CEP112: variants seen among roughly 807,000 people sequenced by gnomAD.
The protein encoded by CEP112 is centrosomal protein 112.
A neutral mutation model predicts 153.0 loss-of-function variants in CEP112; 127 were observed. That is an observed-to-expected ratio of 0.83 (90% CI 0.72 to 0.96). CEP112 has a LOEUF of 0.96. Among genes scored for constraint, CEP112 ranks in the 40% least tolerant of loss-of-function variants. CEP112 has a pLI of 0.00. For missense variants in CEP112, 1,089 were observed against 1,101.2 expected (o/e 0.99, Z 0.16); for synonymous variants, 358 against 374.4 (o/e 0.96, Z 0.51).
At chr17:65,850,932 T>C (rs536756327) in intron 21 of CEP112, among the ~76,000 whole-genome samples, 4 of 152,346 alleles carry the variant, frequency 2.6e-5, no homozygotes, top group African/African-American at 9.6e-5. Context: ...TGCTGAAATC[T>C]GACTTTCAAA....
intron 21 of CEP112, among the ~76,000 whole-genome samples, chr17:65,821,540 A>ATAT (rs1568067713): frequency 5.4e-4 from 18 of 33,628 alleles, no homozygotes; most frequent in Middle Eastern, 0.056. Context: ...ATATATATAT[A>ATAT]TTTTTTTTTT....
At chr17:66,188,706 G>A (rs1033057597) in intron 1 of CEP112, among the ~76,000 whole-genome samples, 2 of 123,294 alleles carry the variant, frequency 1.6e-5, no homozygotes, top group African/African-American at 5.8e-5. Context: ...CTTATTACCT[G>A]GTACTCATCA....
At chr17:65,992,157 A>C (rs2063617541) in intron 17 of CEP112, among the ~76,000 whole-genome samples, 1 of 152,146 alleles carries the variant, frequency 6.6e-6, no homozygotes, top group Non-Finnish European at 1.5e-5. Context: ...AGTCATTATG[A>C]CTTTGCAGTT....
At chr17:65,890,712 A>T (rs542121983) in intron 20 of CEP112, among the ~76,000 whole-genome samples, 1 of 152,328 alleles carries the variant, frequency 6.6e-6, no homozygotes, top group East Asian at 1.9e-4. Flanking sequence ...TCTAGACAGT[A>T]GAAATGGACC....
intron 19 of CEP112, among the ~76,000 whole-genome samples, chr17:65,908,423 C>A (rs1191274902): frequency 6.6e-6 from 1 of 152,090 alleles, no homozygotes; most frequent in African/African-American, 2.4e-5. Context: ...GGGACCGGGG[C>A]AGTGGCTCAC....
chr17:66,038,100 CAA>C (rs5821553), intron 12 of CEP112, among the ~76,000 whole-genome samples: 27 of 105,386 alleles, frequency 2.6e-4, no homozygotes, highest in Admixed American at 5.7e-4. Context: ...GACTCTGTCT[CAA>C]AAAAAAAAAA....
At chr17:65,764,695 A>G (rs1452672096) in intron 21 of CEP112, among the ~76,000 whole-genome samples, 4 of 152,026 alleles carry the variant, frequency 2.6e-5, no homozygotes, top group African/African-American at 2.4e-5. Flanking sequence ...GAAGCATATA[A>G]TTGGATCTTG....
chr17:65,692,931 G>A (rs534226579), intron 23 of CEP112, among the ~76,000 whole-genome samples: 1 of 152,212 alleles, frequency 6.6e-6, no homozygotes, highest in South Asian at 2.1e-4. Flanking sequence ...GCTTCTGACT[G>A]TCCTTCATGT....
At chr17:66,083,009 A>T (rs1339801594) in intron 8 of CEP112, among the ~76,000 whole-genome samples, 1 of 152,186 alleles carries the variant, frequency 6.6e-6, no homozygotes, top group Non-Finnish European at 1.5e-5. Flanking sequence ...TCTAAAGGCT[A>T]AATATTTTAA....
At chr17:66,117,926 T>C (rs1364027539) in intron 6 of CEP112, among the ~76,000 whole-genome samples, 1 of 152,058 alleles carries the variant, frequency 6.6e-6, no homozygotes, top group Non-Finnish European at 1.5e-5. Flanking sequence ...AAATCATTAA[T>C]CATCAAAGAA....
intron 11 of CEP112, among the ~76,000 whole-genome samples, chr17:66,060,151 G>C (rs980586392): frequency 2.0e-5 from 3 of 152,022 alleles, no homozygotes; most frequent in Non-Finnish European, 2.9e-5. Flanking sequence ...GAAAGAGGGG[G>C]ACAAAGGCTG....
At chr17:65,933,895 A>C (rs935305665) in intron 18 of CEP112, among the ~76,000 whole-genome samples, 3 of 152,196 alleles carry the variant, frequency 2.0e-5, no homozygotes, top group Non-Finnish European at 4.4e-5. Context: ...ACTGCAATAA[A>C]CTGTTAAGGG....
intron 19 of CEP112, among the ~76,000 whole-genome samples, chr17:65,924,174 C>T (rs1028964902): frequency 1.3e-5 from 2 of 152,028 alleles, no homozygotes; most frequent in African/African-American, 4.8e-5. Flanking sequence ...GACGGGGTTT[C>T]GCCATGTTAG....
Position 66,080,704 on chromosome 17 carries a change from C to A in CEP112, c.769-10703G>T, listed in dbSNP as rs377732406. Among the ~76,000 whole-genome samples, 6 of 152,286 alleles carry A rather than the reference C, an allele frequency of 3.9e-5. No individual in the cohort carries two copies. The East Asian group carries it at 7.7e-4, about 20-fold the overall frequency. ...TATAAATCATTCTACTATAAAGACACACGAACATGTATGTTTATTGCAGCA... is the reference window on the plus strand; with the variant it reads ...TATAAATCATTCTACTATAAAGACAAACGAACATGTATGTTTATTGCAGCA... On this transcript the variant is annotated intron_variant, in intron 8 of 26. Coordinates refer to ENST00000535342, the MANE Select transcript of CEP112 (RefSeq NM_001199165.4).
chr17:66,076,108 T>C (rs9914461), intron 8 of CEP112, among the ~76,000 whole-genome samples: 91,537 of 152,034 alleles, frequency 0.6, 29,117 homozygotes, highest in African/African-American at 0.74. Context: ...AGGGACCTTT[T>C]GCGAGGGCAG....
chr17:65,982,910 C>T (rs2063279185), intron 17 of CEP112, among the ~76,000 whole-genome samples: 1 of 152,188 alleles, frequency 6.6e-6, no homozygotes, highest in Non-Finnish European at 1.5e-5. Flanking sequence ...ATATTTGCTG[C>T]ACTGTAGATG....
At chr17:65,790,787 T>A (rs2054547117) in intron 21 of CEP112, among the ~76,000 whole-genome samples, 1 of 152,158 alleles carries the variant, frequency 6.6e-6, no homozygotes, top group Admixed American at 6.5e-5. Flanking sequence ...GAAAAGCCTG[T>A]TAGAAGAGCT....
At chr17:65,874,817 A>G (rs1005410952) in intron 20 of CEP112, among the ~76,000 whole-genome samples, 2 of 152,086 alleles carry the variant, frequency 1.3e-5, no homozygotes, top group Non-Finnish European at 2.9e-5. Flanking sequence ...CTATATTACA[A>G]GGATTATCTA....
chr17:66,143,444 G>A (rs369547787), intron 4 of CEP112, among the ~76,000 whole-genome samples: 6 of 152,242 alleles, frequency 3.9e-5, no homozygotes, highest in African/African-American at 7.2e-5. Flanking sequence ...GCTTCTAAAC[G>A]TTTCCATGTT....
Sources: allele counts gnomAD v4.1 joint callset (sites outside exome capture counted in the v4.1 genomes callset), GRCh38; gene constraint gnomAD v4.1.1; transcripts MANE v1.5; gene names NCBI Gene and HGNC (gene_info 2026-07-23, HGNC 2026-07-21).